DPYD: variants seen among roughly 807,000 people sequenced by gnomAD.
The protein encoded by DPYD is dihydropyrimidine dehydrogenase.
A neutral mutation model predicts 116.2 loss-of-function variants in DPYD; 109 were observed. The observed-to-expected ratio is 0.94, with a 90% CI of 0.80 to 1.10. The LOEUF is 1.10. DPYD is among the 50% of genes least tolerant of loss of function. The pLI is 0.00. For synonymous variants in DPYD, 440 were observed against 432.0 expected, an observed-to-expected ratio of 1.02 and a Z score of -0.23; for missense variants, 1,302 against 1,254.5, an observed-to-expected ratio of 1.04 and a Z score of -0.57.
chr1:97,245,756 T>C (rs1242757107), intron 18 of DPYD, among the ~76,000 whole-genome samples: 5 of 152,116 alleles, frequency 3.3e-5, no homozygotes, highest in Admixed American at 2.6e-4. Context: ...TAGGATCCTA[T>C]TACTTCTTCC....
intron 12 of DPYD, among the ~76,000 whole-genome samples, chr1:97,537,255 T>C (rs1314236072): frequency 2.0e-5 from 3 of 152,288 alleles, no homozygotes; most frequent in Non-Finnish European, 4.4e-5. Context: ...TCACTTTTTT[T>C]CCCACATCAT....
At chr1:97,403,357 G>T (rs575517251) in intron 14 of DPYD, among the ~76,000 whole-genome samples, 6 of 152,164 alleles carry the variant, frequency 3.9e-5, no homozygotes, top group South Asian at 2.1e-4. Context: ...GAGACTATCG[G>T]TATTCCCTCT....
chr1:97,638,825 C>T (rs1657717644), intron 8 of DPYD, among the ~76,000 whole-genome samples: 1 of 152,086 alleles, frequency 6.6e-6, no homozygotes, highest in African/African-American at 2.4e-5. Flanking sequence ...AGAACTCACT[C>T]AATGCAAGGA....
chr1:97,138,670 T>A (rs1653983293), intron 20 of DPYD, among the ~76,000 whole-genome samples: 1 of 152,154 alleles, frequency 6.6e-6, no homozygotes, highest in African/African-American at 2.4e-5. Context: ...TGACAAAGTG[T>A]TGGGAAATTT....
intron 8 of DPYD, among the ~76,000 whole-genome samples, chr1:97,654,240 G>A (rs1330466008): frequency 6.6e-6 from 1 of 152,108 alleles, no homozygotes; most frequent in African/African-American, 2.4e-5. Context: ...CAATGATTGA[G>A]CACTGAAATT....
intron 8 of DPYD, among the ~76,000 whole-genome samples, chr1:97,661,352 C>T (rs563640338): frequency 2.6e-5 from 4 of 152,190 alleles, no homozygotes; most frequent in African/African-American, 9.6e-5. Context: ...ATGGTAGAGA[C>T]CATATGTTCA....
At position 97,657,692 on chromosome 1, in the gene DPYD, G is replaced by A. The variant is rs185469463; in HGVS notation, c.850+21403C>T. Among the ~76,000 whole-genome samples, 16 of 152,206 alleles carry A rather than the reference G, an allele frequency of 1.1e-4. No homozygotes were observed. In the East Asian group the frequency reaches 2.1e-3, roughly 20 times the overall value. On this transcript the variant is annotated intron_variant, in intron 8 of 22. Transcript: ENST00000370192. Reference sequence around the variant, plus strand: ...ATTCCCTAACAAAGGAACCACGGGCGTCTAGAAATAACAGTTTATGCTGCA... The same window carrying A: ...ATTCCCTAACAAAGGAACCACGGGCATCTAGAAATAACAGTTTATGCTGCA...
chr1:97,844,072 CA>C (rs778688784), intron 2 of DPYD, among the ~76,000 whole-genome samples: 25 of 151,812 alleles, frequency 1.6e-4, no homozygotes, highest in Non-Finnish European at 1.9e-4. Flanking sequence ...AAGATCTTAA[CA>C]AAGGGAAAGG....
chr1:97,218,477 A>AT (rs1660561806), intron 19 of DPYD, among the ~76,000 whole-genome samples: 1 of 151,674 alleles, frequency 6.6e-6, no homozygotes, highest in African/African-American at 2.4e-5. Flanking sequence ...GCTTGGTTAT[A>AT]TTTTTGGTCT....
At chr1:97,753,364 T>A (rs1371878008) in intron 3 of DPYD, among the ~76,000 whole-genome samples, 1 of 152,190 alleles carries the variant, frequency 6.6e-6, no homozygotes, top group African/African-American at 2.4e-5. Flanking sequence ...ATCTCTGCCA[T>A]TTCCTCAGAA....
intron 16 of DPYD, among the ~76,000 whole-genome samples, chr1:97,358,031 G>T (rs1054600177): frequency 3.9e-5 from 6 of 152,200 alleles, no homozygotes; most frequent in African/African-American, 1.4e-4. Context: ...GTGGTTGGGG[G>T]ATTTCCCTTT....
chr1:97,806,046 G>A (rs1668065351), intron 3 of DPYD, among the ~76,000 whole-genome samples: 3 of 151,866 alleles, frequency 2.0e-5, no homozygotes, highest in Admixed American at 2.0e-4. Context: ...ATAAATGACA[G>A]TAATGATACT....
In DPYD at chr1:97,751,460, G is replaced by GTGTGTGTATATA. The variant is rs763260651; in HGVS notation, c.234-10982_234-10981insTATATACACACA. Among the ~76,000 whole-genome samples, 102 of 21,254 alleles carry GTGTGTGTATATA rather than the reference G, an allele frequency of 4.8e-3. 1 individual carries two copies. The highest frequency in any genetic ancestry group is 0.036 in the Middle Eastern group (1 of 28). The allele number at this position is 21,254 out of a possible 152,430, so 13.9% of individuals were successfully genotyped here. ...TGTGTGTGTGTGTGTGTGTGTGTGTGTATATATATATATATATATATATAT... is the reference window on the plus strand; with the variant it reads ...TGTGTGTGTGTGTGTGTGTGTGTGTGTGTGTGTATATATATATATATATATATATATATATAT... On this transcript the variant is annotated intron_variant, in intron 3 of 22. Coordinates refer to ENST00000370192, the MANE Select transcript of DPYD (RefSeq NM_000110.4).
intron 2 of DPYD, among the ~76,000 whole-genome samples, chr1:97,834,532 T>C (rs1004730744): frequency 9.9e-5 from 15 of 152,084 alleles, no homozygotes; most frequent in African/African-American, 2.9e-4. Context: ...CAGAGAATTA[T>C]CACAAGGGAA....
intron 19 of DPYD, among the ~76,000 whole-genome samples, chr1:97,217,082 C>T (rs1362460217): frequency 1.3e-5 from 2 of 151,882 alleles, no homozygotes; most frequent in Admixed American, 1.3e-4. Flanking sequence ...GTGGTGGGTG[C>T]CTGTAATCCC....
At chr1:97,168,920 C>G (rs1345505818) in intron 20 of DPYD, among the ~76,000 whole-genome samples, 1 of 151,110 alleles carries the variant, frequency 6.6e-6, no homozygotes, top group African/African-American at 2.4e-5. Flanking sequence ...GATCGCAGCT[C>G]ACTGCAACCT....
At chr1:97,330,769 T>G (rs1668945988) in intron 16 of DPYD, among the ~76,000 whole-genome samples, 1 of 152,206 alleles carries the variant, frequency 6.6e-6, no homozygotes, top group South Asian at 2.1e-4. Context: ...TTTGCTTTTA[T>G]AGTTGCCTTT....
intron 2 of DPYD, among the ~76,000 whole-genome samples, chr1:97,840,812 T>G (rs75800281): frequency 0.056 from 8,572 of 152,198 alleles, 312 homozygotes; most frequent in South Asian, 0.1. Context: ...TTATTTTTTC[T>G]CAATAGGTTT....
intron 3 of DPYD, among the ~76,000 whole-genome samples, chr1:97,766,611 CA>C (rs1423528927): frequency 2.0e-5 from 3 of 152,090 alleles, no homozygotes; most frequent in Non-Finnish European, 4.4e-5. Context: ...TGGTGCCCAA[CA>C]GGGGAAAGGA....
Sources: allele counts gnomAD v4.1 joint callset (sites outside exome capture counted in the v4.1 genomes callset), GRCh38; gene constraint gnomAD v4.1.1; transcripts MANE v1.5; gene names NCBI Gene and HGNC (gene_info 2026-07-23, HGNC 2026-07-21).